MATR3: variants seen among roughly 807,000 people sequenced by gnomAD.
MATR3 encodes the protein matrin 3.
MATR3 carries 4 observed loss-of-function variants against 85.5 expected under a neutral mutation model. The ratio of observed to expected loss-of-function variants is 0.05; its 90% CI spans 0.02 to 0.11. MATR3 has a LOEUF of 0.11. Ranked by LOEUF, MATR3 falls within the 10% of genes least tolerant of loss-of-function variation. The probability of loss-of-function intolerance (pLI) is 1.00; values close to 1 mark genes in which losing one functional copy is unlikely to be tolerated. For missense variants in MATR3, 685 were observed against 1,016.1 expected, an observed-to-expected ratio of 0.67 and a Z score of 4.43; for synonymous variants, 336 against 343.1, an observed-to-expected ratio of 0.98 and a Z score of 0.23.
At chr5:139,279,244 G>T (rs368109461) in intron 3 of MATR3, 21 of 441,178 alleles carry the variant, frequency 4.8e-5, no homozygotes, top group Admixed American at 1.4e-4. Flanking sequence ...TTTTTTTTGG[G>T]GGGGGACGGA....
chr5:139,324,086 A>T (rs918105784), intron 12 of MATR3, among the ~76,000 whole-genome samples: 12 of 152,164 alleles, frequency 7.9e-5, no homozygotes, highest in African/African-American at 2.7e-4. Flanking sequence ...ATAATTACTG[A>T]TGTTTATGGC....
intron 1 of MATR3, among the ~76,000 whole-genome samples, chr5:139,295,255 T>G (rs1754084993): frequency 6.6e-6 from 1 of 152,206 alleles, no homozygotes; most frequent in Non-Finnish European, 1.5e-5. Context: ...AAGAAAGGCT[T>G]GACATTTTCG....
At chr5:139,317,765 A>T in intron 7 of MATR3, 44 bp downstream of exon 7, 1 of 1,477,322 alleles carries the variant, frequency 6.8e-7, no homozygotes, top group Admixed American at 1.9e-5. Context: ...TCATGCCACT[A>T]ATATATGTTC....
At chr5:139,323,746 T>C (rs979063588) in intron 12 of MATR3, among the ~76,000 whole-genome samples, 1 of 152,122 alleles carries the variant, frequency 6.6e-6, no homozygotes, top group Non-Finnish European at 1.5e-5. Flanking sequence ...ATATGAAAAT[T>C]AGCCGGGCGT....
intron 2 of MATR3, chr5:139,276,252 A>G: frequency 2.2e-6 from 1 of 455,398 alleles, no homozygotes; most frequent in Non-Finnish European, 4.4e-6. Flanking sequence ...ACAGCAGCCA[A>G]TAGCTGGTTG....
chr5:139,311,723 C>T (rs537592727), intron 2 of MATR3: 7 of 118,118 alleles, frequency 5.9e-5, no homozygotes, highest in Non-Finnish European at 8.4e-5. Flanking sequence ...AATTGTAAGT[C>T]GTTAATTGGT....
In MATR3 at chr5:139,322,518, T is replaced by C. The variant is rs746571680; in HGVS notation, c.1778+12T>C. 32 of 1,573,132 alleles carry C rather than the reference T, an allele frequency of 2.0e-5. No individual in the cohort carries two copies. Among genetic ancestry groups the C allele is most frequent in the Non-Finnish European group, 2.8e-5 (32 of 1,146,506 alleles). On this transcript the variant is annotated intron_variant, in intron 11 of 14. Transcript: ENST00000394805. ...AAAGATAAATCCCGGTAATTTCATT[T>C]TGTTTTTCATATGTGTGAGTATATT...
chr5:139,287,280 G>T (rs926651932), intron 3 of MATR3, among the ~76,000 whole-genome samples: 1 of 152,118 alleles, frequency 6.6e-6, no homozygotes, highest in Non-Finnish European at 1.5e-5. Flanking sequence ...ATTGGAAAAG[G>T]TCCTCATTAT....
intron 3 of MATR3, 73 bp downstream of exon 3, chr5:139,314,809 C>A (rs372201181): frequency 7.4e-7 from 1 of 1,348,932 alleles, no homozygotes; most frequent in Non-Finnish European, 1.1e-6. Context: ...TTTGGGAGTT[C>A]ATCATTTACT....
chr5:139,288,701 C>G (rs1753784348), intron 3 of MATR3, among the ~76,000 whole-genome samples: 1 of 151,996 alleles, frequency 6.6e-6, no homozygotes, highest in Admixed American at 6.6e-5. Context: ...AGTGCAGTGG[C>G]ACAATCTCAG....
intron 9 of MATR3, 71 bp from the exon 10 acceptor site, chr5:139,321,827 A>G: frequency 6.7e-7 from 1 of 1,502,180 alleles, no homozygotes; most frequent in Non-Finnish European, 9.1e-7. Flanking sequence ...AGTAGGTAGA[A>G]TACATAATAA....
chr5:139,327,759 T>G (rs1467185859), intron 14 of MATR3, among the ~76,000 whole-genome samples: 1 of 152,096 alleles, frequency 6.6e-6, no homozygotes, highest in African/African-American at 2.4e-5. Flanking sequence ...TTTAAGCTGT[T>G]TGGGGTCAAA....
intron 2 of MATR3, chr5:139,310,196 A>G (rs986862443): frequency 6.6e-6 from 1 of 152,222 alleles, no homozygotes; most frequent in African/African-American, 2.4e-5. Flanking sequence ...ACATATTTTG[A>G]TGAAACTATG....
Position 139,325,442 on chromosome 5 carries a change from G to A in MATR3, c.2151G>A (p.Val717=). The A allele has an allele frequency of 6.2e-7, 1 of 1,614,122 alleles. No individual in the cohort carries two copies. Among genetic ancestry groups the A allele is most frequent in the Non-Finnish European group, 8.5e-7 (1 of 1,180,034 alleles). ...ATGATGGTTTGGTTGAAATTAAGGTGGACAAGATCGAGGAACTTGATCAAG... is the reference window on the plus strand; with the variant it reads ...ATGATGGTTTGGTTGAAATTAAGGTAGACAAGATCGAGGAACTTGATCAAG... ...SAAAKKKLKK[V]DKIEELDQEN... Residue 717 remains valine (V), a splice_region_variant and synonymous_variant, in exon 13 of 15, where the codon GTG becomes GTA. Transcript: ENST00000394805.
chr5:139,307,373 T>C lies in MATR3; in HGVS notation c.-43T>C, dbSNP rs12153162. 23 of 1,508,506 alleles carry C rather than the reference T, an allele frequency of 1.5e-5. No homozygotes were observed. The highest frequency in any genetic ancestry group is 8.9e-7 in the Non-Finnish European group (1 of 1,127,412). The allele number at this position is 1,508,506 out of a possible 1,614,324, so 93.4% of individuals were successfully genotyped here. On this transcript the variant is annotated 5_prime_UTR_variant, in exon 2 of 15. Transcript: ENST00000394805. The surrounding 1 kb of genome is among the most constrained non-coding windows in gnomAD (Gnocchi z 4.4). Reference sequence around the variant, plus strand: ...TTCTTTTTGGCCGTCTTTAAAAAAATTTTTTTTTTTAATCTATAAAATAGA... The same window carrying C: ...TTCTTTTTGGCCGTCTTTAAAAAAACTTTTTTTTTTAATCTATAAAATAGA...
Position 139,308,270 on chromosome 5 carries a change from A to T in MATR3, c.855A>T (p.Leu285Phe), listed in dbSNP as rs1326467201. ...ATATTGAAGACTTCCATGGACTCTTACCGAAGGGTTATCCCCATCTGTGCT... is the reference window on the plus strand; with the variant it reads ...ATATTGAAGACTTCCATGGACTCTTTCCGAAGGGTTATCCCCATCTGTGCT... ...SSNIEDFHGL[L>F]PKGYPHLCSI... is the part of the protein sequence containing the mutation. Residue 285 changes from leucine to phenylalanine, a missense_variant, in exon 2 of 15, where the codon TTA becomes TTT. By Grantham distance (22) the Leu-to-Phe change is conservative (BLOSUM62 0). This residue lies in a region of MATR3 where 223 missense variants were observed against 334.4 expected (regional missense o/e 0.67). Transcript: ENST00000394805. 1 of 1,614,158 alleles carries T rather than the reference A, an allele frequency of 6.2e-7. No individual in the cohort carries two copies.
intron 13 of MATR3, 82 bp downstream of exon 13, chr5:139,325,744 G>C (rs562660063): frequency 1.3e-5 from 16 of 1,247,582 alleles, no homozygotes; most frequent in Non-Finnish European, 1.8e-5. Flanking sequence ...TTTTAAAGTT[G>C]GTCTTACATA....
At position 139,287,793 on chromosome 5, in the gene MATR3, C is replaced by T. The variant is rs569505977; in HGVS notation, c.-178+8664C>T. On this transcript the variant is annotated intron_variant, in intron 3 of 16. Transcript: ENST00000509990. Reference sequence around the variant, plus strand: ...TACCCATGCCTGCTCACAAACAGGCCCACTTTGAGGTCAAACTCCTTGTCA... The same window carrying T: ...TACCCATGCCTGCTCACAAACAGGCTCACTTTGAGGTCAAACTCCTTGTCA... Among the ~76,000 whole-genome samples, 84 of 152,218 alleles carry T rather than the reference C, an allele frequency of 5.5e-4. No individual in the cohort carries two copies. In the South Asian group the frequency reaches 0.014, roughly 26 times the overall value.
intron 14 of MATR3, among the ~76,000 whole-genome samples, chr5:139,327,226 T>C (rs956990040): frequency 3.3e-5 from 5 of 152,156 alleles, no homozygotes; most frequent in Non-Finnish European, 5.9e-5. Flanking sequence ...TCATTAGATA[T>C]GTTCTCTGTT....
Sources: allele counts gnomAD v4.1 joint callset (sites outside exome capture counted in the v4.1 genomes callset), GRCh38; gene constraint gnomAD v4.1.1; regional missense constraint gnomAD v4.1.1; non-coding constraint Gnocchi (gnomAD v3.1); transcripts MANE v1.5; gene names NCBI Gene and HGNC (gene_info 2026-07-23, HGNC 2026-07-21).